The following PRH1 variants were observed in gnomAD, a reference collection of about 807,000 sequenced individuals.
PRH1 encodes the protein salivary acidic proline-rich phosphoprotein 1/2.
A neutral mutation model predicts 7.9 loss-of-function variants in PRH1; 7 were observed. The ratio of observed to expected loss-of-function variants is 0.89; its 90% confidence interval spans 0.50 to 1.67. The LOEUF (loss-of-function observed/expected upper bound fraction) is 1.67, where lower values mean the gene tolerates loss of function less well. PRH1 is among the 40% of genes most tolerant of loss of function. The pLI is 0.00. For synonymous variants in PRH1, 45 were observed against 80.8 expected (o/e 0.56, Z 2.38); for missense variants, 109 against 223.6 (o/e 0.49, Z 3.27).
At chr12:10,886,137 G>T (rs1211413027), upstream of PRH1, among the ~76,000 whole-genome samples, 1 of 152,204 alleles carries the variant, frequency 6.6e-6, no homozygotes, top group African/African-American at 2.4e-5. Flanking sequence ...GTAGTTGCTT[G>T]AGCCCAGCAG....
chr12:11,021,822 C>T (rs1941649321), intron 1 of PRH1: 1 of 1,614,152 alleles, frequency 6.2e-7, no homozygotes, highest in Admixed American at 1.7e-5. Flanking sequence ...TCCTAAGATT[C>T]CAAGTTGATG....
At chr12:11,090,745 C>T (rs1944853074) in intron 1 of PRH1, among the ~76,000 whole-genome samples, 1 of 116,760 alleles carries the variant, frequency 8.6e-6, no homozygotes, top group East Asian at 2.1e-4. Context: ...AATAGAAATT[C>T]ATAATGGAAT....
chr12:11,143,258 C>G (rs558250452), intron 1 of PRH1, among the ~76,000 whole-genome samples: 17 of 152,228 alleles, frequency 1.1e-4, no homozygotes, highest in Admixed American at 6.5e-4. Flanking sequence ...TGTTTGTTTG[C>G]TTATGCAAAC....
intron 1 of PRH1, among the ~76,000 whole-genome samples, chr12:10,981,663 C>T (rs911627261): frequency 6.6e-6 from 1 of 151,952 alleles, no homozygotes; most frequent in Admixed American, 6.6e-5. Context: ...CATGAGCCAC[C>T]GCACCAGGCC....
At chr12:10,983,114 A>T (rs1049776948) in intron 1 of PRH1, among the ~76,000 whole-genome samples, 2 of 152,170 alleles carry the variant, frequency 1.3e-5, no homozygotes, top group Non-Finnish European at 2.9e-5. Context: ...AGGCATGCAT[A>T]GTGGGCATTA....
chr12:11,022,202 T>C (rs1941685664), intron 1 of PRH1: 3 of 1,614,022 alleles, frequency 1.9e-6, no homozygotes, highest in Non-Finnish European at 2.5e-6. Flanking sequence ...CTCTTAATTC[T>C]CTTCTTTAGG....
intron 1 of PRH1, among the ~76,000 whole-genome samples, chr12:11,098,863 A>G (rs1429642261): frequency 1.3e-5 from 2 of 152,206 alleles, no homozygotes; most frequent in Non-Finnish European, 2.9e-5. Context: ...TGAATGGAAC[A>G]AATTATTTTC....
chr12:11,031,570 T>A (rs189311532), intron 1 of PRH1, among the ~76,000 whole-genome samples: 3 of 151,936 alleles, frequency 2.0e-5, no homozygotes, highest in African/African-American at 7.2e-5. Flanking sequence ...AGGTTGCTGC[T>A]GCTGGCTGAA....
At chr12:11,155,218 T>A (rs1451498552) in intron 1 of PRH1, among the ~76,000 whole-genome samples, 1 of 152,174 alleles carries the variant, frequency 6.6e-6, no homozygotes, top group Non-Finnish European at 1.5e-5. Context: ...TGATTTGCAA[T>A]TTTCATTCTG....
chr12:10,925,696 G>A (rs1950113950), intron 2 of PRH1, among the ~76,000 whole-genome samples: 1 of 152,162 alleles, frequency 6.6e-6, no homozygotes, highest in Non-Finnish European at 1.5e-5. Flanking sequence ...CACCTCACCT[G>A]TTAAAGTCTT....
chr12:11,148,176 C>T (rs7974258), intron 1 of PRH1, among the ~76,000 whole-genome samples: 1 of 133,494 alleles, frequency 7.5e-6, no homozygotes, highest in African/African-American at 2.7e-5. Flanking sequence ...ATCAGCTTAA[C>T]GAGATTTTGG....
intron 1 of PRH1, chr12:10,986,870 GA>G (rs749639856): frequency 1.2e-4 from 182 of 1,479,566 alleles, no homozygotes; most frequent in Non-Finnish European, 1.5e-4. Flanking sequence ...TATCTGAGCA[GA>G]AAAAAAGAAA....
At chr12:11,058,936 T>G (rs371479899) in intron 1 of PRH1, among the ~76,000 whole-genome samples, 26 of 152,216 alleles carry the variant, frequency 1.7e-4, no homozygotes, top group Middle Eastern at 3.4e-3. Flanking sequence ...CCCTTCACTA[T>G]CTCCTATTCC....
intron 2 of PRH1, among the ~76,000 whole-genome samples, chr12:10,917,720 G>A (rs890747737): frequency 2.0e-5 from 3 of 152,184 alleles, no homozygotes; most frequent in Non-Finnish European, 4.4e-5. Flanking sequence ...GTTGAAGAAT[G>A]GCATTGGCAG....
rs1565725656 is a variant in PRH1, at chr12:11,168,280, GAAA to G, written n.39+3139_39+3141del. ...AGAAAGAAAGAAAGAAAGAAAGAAA[GAAA>G]GAAAGAAAGAAAGAAAGAAGGAAGG... On this transcript the variant is annotated intron_variant and non_coding_transcript_variant, in intron 1 of 1. Transcript: ENST00000541175. 8.5e-3 allele frequency among the ~76,000 whole-genome samples: 267 copies of G among 31,338 alleles called. 47 individuals carry two copies. The highest frequency in any genetic ancestry group is 0.012 in the African/African-American group (117 of 10,014). 20.6% of individuals were successfully genotyped at this position (31,338 alleles called of 152,430 possible). A position where few individuals can be genotyped will look rare whatever the true frequency, so the allele number is the denominator to read the frequency against.
At chr12:10,973,243 C>T (rs546686914) in intron 2 of PRH1, 2 of 153,026 alleles carry the variant, frequency 1.3e-5, no homozygotes, top group African/African-American at 2.4e-5. Context: ...CTAGACTTCT[C>T]TACATGTGAT....
At chr12:11,123,672 T>C (rs1202374884) in intron 1 of PRH1, among the ~76,000 whole-genome samples, 1 of 152,172 alleles carries the variant, frequency 6.6e-6, no homozygotes, top group East Asian at 1.9e-4. Flanking sequence ...GTATGTTACA[T>C]ATTCCAACTG....
intron 1 of PRH1, among the ~76,000 whole-genome samples, chr12:10,977,524 C>T (rs1427041849): frequency 6.6e-6 from 1 of 152,106 alleles, no homozygotes; most frequent in Non-Finnish European, 1.5e-5. Context: ...TCTTCCCTCA[C>T]CACTCTTAAT....
intron 2 of PRH1, among the ~76,000 whole-genome samples, chr12:10,907,505 A>G (rs1949821192): frequency 7.9e-6 from 1 of 126,538 alleles, no homozygotes; most frequent in South Asian, 3.0e-4. Context: ...TACACACTCT[A>G]TAACTGTATG....
Sources: gnomAD v4.1 joint callset for allele counts (sites outside exome capture counted in the v4.1 genomes callset) on GRCh38, gnomAD v4.1.1 for gene constraint, MANE v1.5 for transcripts, NCBI Gene and HGNC (gene_info 2026-07-23, HGNC 2026-07-21) for gene names.